Variants in TONSL observed in about 807,000 individuals in gnomAD.
TONSL encodes tonsoku-like protein.
Under a neutral mutation model 147.1 loss-of-function variants are expected in TONSL, and 112 were observed. That is an observed-to-expected ratio of 0.76 (90% CI 0.65 to 0.89). The LOEUF (loss-of-function observed/expected upper bound fraction) is 0.89, where lower values mean the gene tolerates loss of function less well. Among genes scored for constraint, TONSL ranks in the 40% least tolerant of loss-of-function variants. The probability of loss-of-function intolerance (pLI) is 0.00; values close to 1 mark genes in which losing one functional copy is unlikely to be tolerated. For missense variants in TONSL, 1,883 were observed against 1,864.6 expected, an observed-to-expected ratio of 1.01 and a Z score of -0.18; for synonymous variants, 868 against 801.5, an observed-to-expected ratio of 1.08 and a Z score of -1.40.
intron 7 of TONSL, chr8:144,441,753 G>T: frequency 2.5e-6 from 1 of 393,814 alleles, no homozygotes; most frequent in Non-Finnish European, 4.6e-6. Context: ...TCTCCAGTTT[G>T]CCAATGAAGA....
rs757755830 is a variant in TONSL, at chr8:144,438,511, A to G, written c.1613T>C (p.Ile538Thr). Residue 538 changes from isoleucine to threonine, a missense_variant, in exon 13 of 26, where the codon ATC becomes ACC. Coordinates refer to ENST00000409379, the MANE Select transcript of TONSL (RefSeq NM_013432.5). ...MGETLLHRAC[I>T]EGQLRRVQDL... ...CTGGACGCGGCGCAGCTGGCCCTCG[A>G]TGCAGGCTCGGTGCAGCAGGGTCTC... is the stretch of plus-strand genomic sequence containing the variant. 1 of 1,613,030 alleles carries G rather than the reference A, an allele frequency of 6.2e-7. No homozygotes were observed. The highest frequency in any genetic ancestry group is 8.5e-7 in the Non-Finnish European group (1 of 1,179,932).
chr8:144,438,345 C>T, intron 13 of TONSL, 126 bp downstream of exon 13: 1 of 903,452 alleles, frequency 1.1e-6, no homozygotes, highest in Non-Finnish European at 1.7e-6. Context: ...CAAGTGCCAC[C>T]ATGCTTGCTA....
chr8:144,431,518 T>C (rs1823192952), intron 23 of TONSL, among the ~76,000 whole-genome samples: 1 of 151,910 alleles, frequency 6.6e-6, no homozygotes, highest in South Asian at 2.1e-4. Context: ...TTTTTTCTTT[T>C]TTTGTTTTTT....
intron 7 of TONSL, 150 bp from the exon 8 acceptor site, chr8:144,441,261 T>C: frequency 1.7e-6 from 2 of 1,159,970 alleles, no homozygotes; most frequent in South Asian, 1.6e-5. Flanking sequence ...AGGGTCTATC[T>C]TGGGGACTGG....
chr8:144,436,216 G>A lies in TONSL; in HGVS notation c.2217C>T (p.Ser739=). The change falls in exon 17 of 26, where the codon AGC becomes AGT. Residue 739 remains serine, a synonymous_variant. Coordinates refer to ENST00000409379, the MANE Select transcript of TONSL (RefSeq NM_013432.5). ...CCTCGCCTTCTGAGCTGCTGCTGCT[G>A]CTGGCTGGCCCATGCCTGCTCCTCC... ...RPRRSRHGPA[S]SSSSSEGEDS... The A allele has an allele frequency of 6.4e-7, 1 of 1,565,170 alleles. No homozygotes were observed. Among genetic ancestry groups the A allele is most frequent in the Non-Finnish European group, 8.6e-7 (1 of 1,158,584 alleles).
rs1823742674 is a variant in TONSL at position 144,442,119 on chromosome 8, G to C, written c.783C>G (p.Ala261=). 1 of 1,612,314 alleles carries C rather than the reference G, an allele frequency of 6.2e-7. No homozygotes were observed. The part of the protein sequence containing the change: ...VLQDLGDFLA[A]KRALKKAYRL... The stretch of plus-strand genomic sequence containing the variant: ...TGTAGGCCTTCTTCAGGGCTCGCTT[G>C]GCAGCCAAAAAGTCTCCCAGGTCTT... The change falls in exon 7 of 26, where the codon GCC becomes GCG. Residue 261 remains alanine, a synonymous_variant. Transcript: ENST00000409379.
At position 144,428,864 on chromosome 8, in the gene TONSL, A is replaced by G. The variant is rs1823031354; in HGVS notation, c.*279T>C. On this transcript the variant is annotated 3_prime_UTR_variant, in exon 26 of 26. Transcript: ENST00000409379. ...GAGTGCAGTGGTGCGATCTCGGCTC[A>G]CTGCAAGCTCCGCCTCCCGGGTTCA... The G allele has an allele frequency of 1.0e-5, 3 of 297,068 alleles. No homozygotes were observed. The highest frequency in any genetic ancestry group is 5.6e-5 in the East Asian group (1 of 17,980). The allele number at this position is 297,068 out of a possible 1,614,324, so 18.4% of individuals were successfully genotyped here.
In TONSL at chr8:144,440,989, C is replaced by T; in HGVS notation, c.988G>A (p.Ala330Thr). ...ACCTGCTTCTGGTAAGCCTCAGCTG[C>T]CCTGGGAAAGTCTCCTGCCTTGGAG... Reference protein sequence around the residue: ...LFSKAGDFPRAAEAYQKQLRF... With the variant: ...LFSKAGDFPRTAEAYQKQLRF... The change falls in exon 8 of 26, where the codon GCA becomes ACA. Residue 330 changes from alanine to threonine, a missense_variant. Physicochemically the swap from Ala to Thr is moderately conservative, Grantham distance 58. Transcript: ENST00000409379. 6.2e-7 allele frequency: 1 copy of T among 1,613,176 alleles called. No individual in the cohort carries two copies. The highest frequency in any genetic ancestry group is 8.5e-7 in the Non-Finnish European group (1 of 1,179,988).
intron 22 of TONSL, chr8:144,432,799 A>G (rs995722622): frequency 1.4e-5 from 3 of 211,418 alleles, no homozygotes; most frequent in African/African-American, 6.9e-5. Flanking sequence ...ATGACACCCA[A>G]TTCCCAGCCT....
In TONSL at chr8:144,431,124, G is replaced by C. The variant is rs782249203; in HGVS notation, c.3763C>G (p.Leu1255Val). The change falls in exon 24 of 26, where the codon CTG becomes GTG. Residue 1255 changes from leucine to valine, a missense_variant. Transcript: ENST00000409379. ...TTGTCCCCCAGGTGGTTTGCAGACAGGGTCAGGTGGGCTAGAGCACAGCCT... is the reference window on the plus strand; with the variant it reads ...TTGTCCCCCAGGTGGTTTGCAGACACGGTCAGGTGGGCTAGAGCACAGCCT... ...KEGCALAHLT[L>V]SANHLGDKAV... is the part of the protein sequence containing the mutation. The C allele has an allele frequency of 3.1e-6, 5 of 1,614,060 alleles. No individual in the cohort carries two copies. The Admixed American group carries it at 5.0e-5, about 16-fold the overall frequency.
At chr8:144,429,407 C>G in intron 25 of TONSL, 71 bp from the exon 26 acceptor site, 1 of 1,333,934 alleles carries the variant, frequency 7.5e-7, no homozygotes, top group South Asian at 1.8e-5. Context: ...CGGCAGGCTC[C>G]AGGGAACAAA....
In TONSL at chr8:144,440,723, G is replaced by A. The variant is rs1564733258; in HGVS notation, c.1159C>T (p.Leu387=). 6.2e-7 allele frequency: 1 copy of A among 1,612,198 alleles called. No homozygotes were observed. Among genetic ancestry groups the A allele is most frequent in the Non-Finnish European group, 8.5e-7 (1 of 1,179,632 alleles). The stretch of plus-strand genomic sequence containing the variant: ...GCGGGGAGCAAGGGTTTCACCTCCA[G>A]CACGTTGCCGCTGCGCAGCCTCAGT... ...EELRLRSGNV[L]EEAKTWLNIA... is the part of the protein sequence containing the mutation. Residue 387 remains leucine, a synonymous_variant, in exon 9 of 26, where the codon CTG becomes TTG. Coordinates refer to ENST00000409379, the MANE Select transcript of TONSL (RefSeq NM_013432.5).
chr8:144,441,975 C>T (rs1415091400), intron 7 of TONSL, 62 bp downstream of exon 7: 1 of 1,494,252 alleles, frequency 6.7e-7, no homozygotes, highest in African/African-American at 1.4e-5. Flanking sequence ...GGGACTCCAC[C>T]CCGCCCCCAG....
rs1209232846 is a variant in TONSL, at chr8:144,443,175, A to C, written c.411T>G (p.Phe137Leu). 1.9e-6 allele frequency: 3 copies of C among 1,550,622 alleles called. No individual in the cohort carries two copies. The highest frequency in any genetic ancestry group is 2.6e-6 in the Non-Finnish European group (3 of 1,146,970). Residue 137 changes from phenylalanine to leucine, a missense_variant, in exon 4 of 26, where the codon TTT becomes TTG. Transcript: ENST00000409379. The part of the protein sequence containing the change: ...RDALLQAQAA[F>L]EKSLAIVDEE... ...CATCCACAATAGCCAAGCTCTTCTC[A>C]AAGGCAGCCTGTGCCTGCAGCAAAG...
At chr8:144,431,882 G>T (rs1554878747) in intron 23 of TONSL, among the ~76,000 whole-genome samples, 1 of 147,684 alleles carries the variant, frequency 6.8e-6, no homozygotes, top group African/African-American at 2.5e-5. Context: ...CAGGCTGGGT[G>T]CAATGGTGCA....
At chr8:144,434,965 C>CG (rs1823375698) in intron 19 of TONSL, 52 bp downstream of exon 19, 3 of 1,610,672 alleles carry the variant, frequency 1.9e-6, no homozygotes, top group South Asian at 1.1e-5. Flanking sequence ...ATGAGCCACC[C>CG]GGGGGCTCCC....
At chr8:144,441,247 T>C (rs538128618) in intron 7 of TONSL, 136 bp from the exon 8 acceptor site, 3 of 1,247,138 alleles carry the variant, frequency 2.4e-6, no homozygotes, top group East Asian at 2.6e-5. Context: ...TGGGGGTTAA[T>C]AGCAGGGTCT....
intron 4 of TONSL, 128 bp from the exon 5 acceptor site, chr8:144,442,934 C>G: frequency 7.4e-7 from 1 of 1,352,396 alleles, no homozygotes. Context: ...GTGCAAGTGT[C>G]CTGCGGCAGA....
chr8:144,438,909 C>T, intron 11 of TONSL, 174 bp from the exon 12 acceptor site: 2 of 662,476 alleles, frequency 3.0e-6, no homozygotes, highest in Non-Finnish European at 5.3e-6. Flanking sequence ...AGCGCTGCCT[C>T]CATGTCTCCC....
Sources: allele counts gnomAD v4.1 joint callset (sites outside exome capture counted in the v4.1 genomes callset), GRCh38; gene constraint gnomAD v4.1.1; transcripts MANE v1.5; gene names NCBI Gene and HGNC (gene_info 2026-07-23, HGNC 2026-07-21).